LRRC7: variants seen among roughly 807,000 people sequenced by gnomAD.
The protein encoded by LRRC7 is leucine-rich repeat-containing protein 7.
Under a neutral mutation model 175.7 loss-of-function variants are expected in LRRC7, and 23 were observed. The ratio of observed to expected loss-of-function variants is 0.13; its 90% CI spans 0.09 to 0.19. The LOEUF (loss-of-function observed/expected upper bound fraction) is 0.19. LRRC7 is among the 10% of genes least tolerant of loss of function. LRRC7 has a pLI of 1.00. For missense variants in LRRC7, 1,354 were observed against 1,904.7 expected, an observed-to-expected ratio of 0.71 and a Z score of 5.38; for synonymous variants, 685 against 680.9, an observed-to-expected ratio of 1.01 and a Z score of -0.09.
intron 2 of LRRC7, among the ~76,000 whole-genome samples, chr1:69,693,150 T>C (rs1662104391): frequency 6.6e-6 from 1 of 152,222 alleles, no homozygotes; most frequent in South Asian, 2.1e-4. Context: ...TCAACCTCTA[T>C]AATTGGTTGA....
chr1:69,784,841 T>C (rs1163149447), intron 3 of LRRC7, among the ~76,000 whole-genome samples: 2 of 152,204 alleles, frequency 1.3e-5, no homozygotes, highest in Non-Finnish European at 2.9e-5. Context: ...AGTTTGTAAA[T>C]GTAGAACACA....
At chr1:70,035,752 A>G (rs1222316992) in intron 18 of LRRC7, among the ~76,000 whole-genome samples, 1 of 152,050 alleles carries the variant, frequency 6.6e-6, no homozygotes, top group African/African-American at 2.4e-5. Flanking sequence ...TACTGCTCAT[A>G]TATGGCTTAT....
chr1:70,084,782 G>C (rs61784291), intron 24 of LRRC7, among the ~76,000 whole-genome samples: 23,408 of 152,022 alleles, frequency 0.15, 2,879 homozygotes, highest in African/African-American at 0.33. Context: ...AATGAATGTG[G>C]GTTCCACTTT....
intron 7 of LRRC7, among the ~76,000 whole-genome samples, chr1:69,866,855 G>A (rs946629514): frequency 2.6e-5 from 4 of 152,006 alleles, no homozygotes; most frequent in Middle Eastern, 3.2e-3. Flanking sequence ...GATTTTATGA[G>A]TTATTTTTAG....
chr1:69,930,367 A>G (rs952517633), intron 7 of LRRC7, among the ~76,000 whole-genome samples: 3 of 152,186 alleles, frequency 2.0e-5, no homozygotes, highest in Non-Finnish European at 4.4e-5. Context: ...AAAGCCCTAT[A>G]AGGTAATTTC....
intron 1 of LRRC7, among the ~76,000 whole-genome samples, chr1:69,612,411 A>T (rs1270033505): frequency 6.6e-6 from 1 of 152,068 alleles, no homozygotes; most frequent in African/African-American, 2.4e-5. Context: ...TGAATTAAAG[A>T]CAATTAGGTT....
intron 1 of LRRC7, among the ~76,000 whole-genome samples, chr1:69,592,429 AG>A (rs1646675466): frequency 6.6e-6 from 1 of 152,246 alleles, no homozygotes; most frequent in African/African-American, 2.4e-5. Flanking sequence ...ACTCGAAAAA[AG>A]CTGACTTTTT....
intron 24 of LRRC7, among the ~76,000 whole-genome samples, chr1:70,076,667 C>T (rs1396075617): frequency 6.6e-6 from 1 of 152,132 alleles, no homozygotes; most frequent in Non-Finnish European, 1.5e-5. Context: ...CTGTTGAAAC[C>T]TTCAGTGTGA....
intron 8 of LRRC7, among the ~76,000 whole-genome samples, chr1:69,970,943 G>A (rs902761351): frequency 6.6e-6 from 1 of 152,102 alleles, no homozygotes. Flanking sequence ...CATCAAGTGG[G>A]TTTTATACCA....
intron 2 of LRRC7, among the ~76,000 whole-genome samples, chr1:69,687,520 C>CA (rs551726376): frequency 0.4 from 38,433 of 97,028 alleles, 6,598 homozygotes; most frequent in South Asian, 0.56. Flanking sequence ...AAGAAAAAAC[C>CA]AAAAAAAAAA....
At chr1:69,748,813 T>G (rs1373145861) in intron 2 of LRRC7, among the ~76,000 whole-genome samples, 1 of 152,180 alleles carries the variant, frequency 6.6e-6, no homozygotes, top group African/African-American at 2.4e-5. Context: ...TCTATCTGAC[T>G]ACTTCTGCTC....
chr1:69,694,590 T>C (rs1662320472), intron 2 of LRRC7, among the ~76,000 whole-genome samples: 1 of 152,140 alleles, frequency 6.6e-6, no homozygotes, highest in Non-Finnish European at 1.5e-5. Context: ...AATCTGACCT[T>C]CAAAGTTAGA....
intron 23 of LRRC7, among the ~76,000 whole-genome samples, chr1:70,075,332 A>C (rs898809885): frequency 1.3e-5 from 2 of 152,216 alleles, no homozygotes; most frequent in African/African-American, 4.8e-5. Context: ...AGGAGTCAAC[A>C]AAGAAGTACG....
Position 69,837,847 on chromosome 1 carries a change from C to A in LRRC7, c.591-380C>A, listed in dbSNP as rs192380977. Reference sequence around the variant, plus strand: ...ATCAATATATATATTTCTTTAAAATCTATAACAATAGTAAAAAAAAATTTG... The same window carrying A: ...ATCAATATATATATTTCTTTAAAATATATAACAATAGTAAAAAAAAATTTG... On this transcript the variant is annotated intron_variant, in intron 6 of 26. Transcript: ENST00000651989. Among the ~76,000 whole-genome samples, 33 of 134,356 alleles carry A rather than the reference C, an allele frequency of 2.5e-4. No homozygotes were observed. In the East Asian group the frequency reaches 7.3e-3, roughly 30 times the overall value. 88.1% of individuals were successfully genotyped at this position (134,356 alleles called of 152,430 possible). A position where few individuals can be genotyped will look rare whatever the true frequency, so the allele number is the denominator to read the frequency against.
At chr1:70,028,931 G>A (rs1658413294) in intron 18 of LRRC7, among the ~76,000 whole-genome samples, 1 of 152,078 alleles carries the variant, frequency 6.6e-6, no homozygotes, top group African/African-American at 2.4e-5. Flanking sequence ...TATTGATTTT[G>A]TGGTCTGAAA....
At chr1:70,114,412 C>A (rs1665718545) in intron 26 of LRRC7, among the ~76,000 whole-genome samples, 1 of 151,960 alleles carries the variant, frequency 6.6e-6, no homozygotes, top group African/African-American at 2.4e-5. Flanking sequence ...ACCTGTAATC[C>A]CAGTGCTTTG....
intron 1 of LRRC7, among the ~76,000 whole-genome samples, chr1:69,569,214 G>A (rs979108147): frequency 2.0e-5 from 3 of 151,932 alleles, no homozygotes; most frequent in African/African-American, 7.3e-5. Context: ...GAAAGGGTGG[G>A]GTTTGGGGGG....
chr1:69,614,959 A>G (rs962268081), intron 1 of LRRC7, among the ~76,000 whole-genome samples: 1 of 152,018 alleles, frequency 6.6e-6, no homozygotes, highest in Non-Finnish European at 1.5e-5. Context: ...AGTAAATTTT[A>G]TTTGTGGTTT....
chr1:70,114,051 TA>T (rs1344139432), intron 26 of LRRC7, among the ~76,000 whole-genome samples: 1 of 147,602 alleles, frequency 6.8e-6, no homozygotes, highest in African/African-American at 2.6e-5. Flanking sequence ...AAAAATTCTT[TA>T]AAAAAAATCT....
Sources: gnomAD v4.1 joint callset for allele counts (sites outside exome capture counted in the v4.1 genomes callset) on GRCh38, gnomAD v4.1.1 for gene constraint, MANE v1.5 for transcripts, NCBI Gene and HGNC (gene_info 2026-07-23, HGNC 2026-07-21) for gene names.